Variants in RGS9 observed in about 807,000 individuals in gnomAD.
RGS9 encodes the protein regulator of G protein signaling 9, also known as regulator of G-protein signalling 9.
Under a neutral mutation model 102.0 loss-of-function variants are expected in RGS9, and 78 were observed. The observed-to-expected ratio is 0.76, with a 90% CI of 0.64 to 0.92. RGS9 has a LOEUF of 0.92. RGS9 is among the 40% of genes least tolerant of loss of function. The pLI is 0.00. For synonymous variants in RGS9, 353 were observed against 318.6 expected, an observed-to-expected ratio of 1.11 and a Z score of -1.15; for missense variants, 833 against 866.1, an observed-to-expected ratio of 0.96 and a Z score of 0.48.
At chr17:65,224,970 A>G in intron 17 of RGS9, 32 bp from the exon 18 acceptor site, 1 of 1,611,798 alleles carries the variant, frequency 6.2e-7, no homozygotes, top group Non-Finnish European at 8.5e-7. Flanking sequence ...CATGCAACTC[A>G]CCACTGAGCT....
intron 7 of RGS9, among the ~76,000 whole-genome samples, chr17:65,165,556 T>C (rs1364809521): frequency 6.6e-6 from 1 of 152,094 alleles, no homozygotes; most frequent in Non-Finnish European, 1.5e-5. Flanking sequence ...CATGTTGCTG[T>C]CAAACCTCAA....
chr17:65,226,582 A>G (rs1905690371), intron 18 of RGS9, among the ~76,000 whole-genome samples: 1 of 150,474 alleles, frequency 6.6e-6, no homozygotes, highest in Admixed American at 6.6e-5. Context: ...AAGGGCCACT[A>G]CTTCCTCAGA....
At chr17:65,155,370 G>T (rs544702039) in intron 2 of RGS9, among the ~76,000 whole-genome samples, 92 of 152,342 alleles carry the variant, frequency 6.0e-4, no homozygotes, top group Non-Finnish European at 1.1e-3. Flanking sequence ...TAATCCCAAT[G>T]CTTCTCAGAG....
chr17:65,197,515 C>T (rs1415715700), intron 13 of RGS9, among the ~76,000 whole-genome samples: 1 of 152,168 alleles, frequency 6.6e-6, no homozygotes, highest in Non-Finnish European at 1.5e-5. Context: ...GGGCTCCATC[C>T]ATCCTGGATG....
At position 65,225,236 on chromosome 17, in the gene RGS9, C is replaced by G. The variant is rs775316564; in HGVS notation, c.1642C>G (p.Pro548Ala). 6.2e-7 allele frequency: 1 copy of G among 1,610,944 alleles called. No homozygotes were observed. The highest frequency in any genetic ancestry group is 8.5e-7 in the Non-Finnish European group (1 of 1,179,990). Residue 548 changes from proline (P) to alanine (A), a missense_variant, in exon 18 of 19, where the codon CCC becomes GCC. This residue lies in a region of RGS9 where 320 missense variants were observed against 276.8 expected (regional missense o/e 1.16). Coordinates refer to ENST00000262406, the MANE Select transcript of RGS9 (RefSeq NM_003835.4). Reference protein sequence around the residue: ...QKGECSGSMAPRGPSVTESSE... With the variant: ...QKGECSGSMAARGPSVTESSE... ...AGGGGAGTGCAGCGGGTCCATGGCC[C>G]CCCGTGGGCCCTCTGTCACCGAGAG...
intron 1 of RGS9, among the ~76,000 whole-genome samples, chr17:65,148,998 G>A (rs1056668165): frequency 3.5e-4 from 53 of 152,132 alleles, no homozygotes; most frequent in Admixed American, 2.4e-3. Flanking sequence ...GTCTCTCTCT[G>A]TTGCACAGAC....
At chr17:65,152,241 G>C (rs1040903081) in intron 1 of RGS9, among the ~76,000 whole-genome samples, 1 of 152,186 alleles carries the variant, frequency 6.6e-6, no homozygotes, top group African/African-American at 2.4e-5. Context: ...CATGGGACCC[G>C]CCCAAGGCTG....
chr17:65,219,741 G>A (rs975247359), intron 17 of RGS9, among the ~76,000 whole-genome samples: 2 of 152,070 alleles, frequency 1.3e-5, no homozygotes, highest in East Asian at 1.9e-4. Context: ...ACAATTCTTG[G>A]CCTATTATAA....
At chr17:65,204,646 G>A (rs114789777) in intron 15 of RGS9, among the ~76,000 whole-genome samples, 1,686 of 152,258 alleles carry the variant, frequency 0.011, 29 homozygotes, top group African/African-American at 0.039. Flanking sequence ...CCTCACCCAC[G>A]GGCCTAGAGG....
At chr17:65,139,278 C>CA (rs1910059609) in intron 1 of RGS9, among the ~76,000 whole-genome samples, 1 of 149,888 alleles carries the variant, frequency 6.7e-6, no homozygotes, top group Non-Finnish European at 1.5e-5. Flanking sequence ...TCTTCCACCC[C>CA]GGTCTCCCCT....
At chr17:65,158,742 G>A in intron 3 of RGS9, 1 of 349,956 alleles carries the variant, frequency 2.9e-6, no homozygotes, top group South Asian at 2.6e-5. Context: ...GGAGTGACAA[G>A]GGAGATTGAG....
At chr17:65,185,903 C>T (rs79350008) in intron 9 of RGS9, among the ~76,000 whole-genome samples, 6,384 of 152,284 alleles carry the variant, frequency 0.042, 157 homozygotes, top group Middle Eastern at 0.051. Context: ...CCCTGCAGGG[C>T]CCAGAGAACA....
chr17:65,183,063 T>TCTACCTAA, intron 9 of RGS9, among the ~76,000 whole-genome samples: 1 of 77,514 alleles, frequency 1.3e-5, no homozygotes, highest in Non-Finnish European at 4.0e-5. Flanking sequence ...TTTTTTTAAA[T>TCTACCTAA]CTATCTATCT....
intron 7 of RGS9, among the ~76,000 whole-genome samples, chr17:65,166,265 A>G (rs1911175878): frequency 6.6e-6 from 1 of 152,214 alleles, no homozygotes; most frequent in Admixed American, 6.5e-5. Flanking sequence ...TCTAGCTTCA[A>G]GGGGAGGAGA....
At chr17:65,179,492 T>C (rs2144040027) in intron 9 of RGS9, among the ~76,000 whole-genome samples, 1 of 152,024 alleles carries the variant, frequency 6.6e-6, no homozygotes, top group East Asian at 1.9e-4. Flanking sequence ...GTTGCTTTTT[T>C]TTATGGCTAA....
intron 9 of RGS9, among the ~76,000 whole-genome samples, chr17:65,178,374 A>C (rs1367638547): frequency 2.6e-5 from 4 of 152,146 alleles, no homozygotes; most frequent in African/African-American, 9.7e-5. Flanking sequence ...TTCATGATGG[A>C]TAGCCAATGT....
intron 1 of RGS9, among the ~76,000 whole-genome samples, chr17:65,146,552 A>G (rs1282492044): frequency 7.2e-6 from 1 of 138,246 alleles, no homozygotes; most frequent in Non-Finnish European, 1.5e-5. Flanking sequence ...CCGCCACTGC[A>G]CTCCAGCTTG....
In RGS9 at chr17:65,225,037, C is replaced by T. The variant is rs1033689813; in HGVS notation, c.1443C>T (p.Thr481=). 1.3e-5 allele frequency: 21 copies of T among 1,613,866 alleles called. No homozygotes were observed. Among genetic ancestry groups the T allele is most frequent in the Middle Eastern group, 1.6e-4 (1 of 6,084 alleles). The part of the protein sequence containing the change: ...GQHMAPSPHL[T]VYTGTCMPPS... ...ACATGGCTCCCAGCCCCCATCTGAC[C>T]GTGTACACCGGGACCTGCATGCCCC... The change falls in exon 18 of 19, where the codon ACC becomes ACT. Residue 481 remains threonine (T), a synonymous_variant. Transcript: ENST00000262406.
intron 4 of RGS9, 59 bp from the exon 5 acceptor site, chr17:65,160,477 T>A (rs1910937696): frequency 1.2e-6 from 2 of 1,604,574 alleles, no homozygotes; most frequent in South Asian, 1.1e-5. Flanking sequence ...GTCACAGGGT[T>A]GGGGTCCATT....
Sources: gnomAD v4.1 joint callset for allele counts (sites outside exome capture counted in the v4.1 genomes callset) on GRCh38, gnomAD v4.1.1 for gene constraint, gnomAD v4.1.1 regional missense constraint, MANE v1.5 for transcripts, NCBI Gene and HGNC (gene_info 2026-07-23, HGNC 2026-07-21) for gene names.